The following DNAH17 variants were observed in gnomAD, a reference collection of about 807,000 sequenced individuals.
DNAH17 encodes dynein axonemal heavy chain 17.
Under a neutral mutation model 485.6 loss-of-function variants are expected in DNAH17, and 376 were observed. The ratio of observed to expected loss-of-function variants is 0.77; its 90% CI spans 0.71 to 0.84. The LOEUF (loss-of-function observed/expected upper bound fraction) is 0.84, where lower values mean the gene tolerates loss of function less well. Ranked by LOEUF, DNAH17 falls within the 40% of genes least tolerant of loss-of-function variation. DNAH17 has a pLI of 0.00. For missense variants in DNAH17, 6,370 were observed against 5,839.3 expected (o/e 1.09, Z -2.96); for synonymous variants, 3,031 against 2,405.9 (o/e 1.26, Z -7.60).
At chr17:78,501,660 G>T in intron 34 of DNAH17, 82 bp downstream of exon 34, 2 of 1,538,470 alleles carry the variant, frequency 1.3e-6, no homozygotes, top group Non-Finnish European at 8.8e-7. Flanking sequence ...GAAGTGGCAG[G>T]GTCTGAAGTC....
rs1720868995 is a variant in DNAH17, at chr17:78,571,650, G to C, written c.672C>G (p.Pro224=). The C allele has an allele frequency of 6.2e-7, 1 of 1,614,004 alleles. No individual in the cohort carries two copies. Among genetic ancestry groups the C allele is most frequent in the Non-Finnish European group, 8.5e-7 (1 of 1,179,880 alleles). Residue 224 remains proline, a synonymous_variant, in exon 4 of 81, where the codon CCC becomes CCG. Coordinates refer to ENST00000389840, the MANE Select transcript of DNAH17 (RefSeq NM_173628.4). ...TGTCCCAGAACTCGAACTCCACTTG[G>C]GGCAGGGGGTGCAGCCCATCCAGCA... The part of the protein sequence containing the change: ...QALLDGLHPL[P]QVEFEFWDTR...
At chr17:78,532,409 T>TAA (rs2091264353) in intron 20 of DNAH17, 73 bp downstream of exon 20, 1 of 1,505,172 alleles carries the variant, frequency 6.6e-7, no homozygotes, top group Admixed American at 2.3e-5. Context: ...ACCCAAGTTT[T>TAA]AAAGCAAGCC....
rs116390759 is a variant in DNAH17 at position 78,427,232 on chromosome 17, A to G, written c.12589-124T>C. The G allele has an allele frequency of 2.4e-3, 2,248 of 940,778 alleles. 25 individuals are homozygous for G. The African/African-American group carries it at 0.03, about 13-fold the overall frequency. 58.3% of individuals were successfully genotyped at this position (940,778 alleles called of 1,614,324 possible). On this transcript the variant is annotated intron_variant, in intron 77 of 80. Transcript: ENST00000389840. Reference sequence around the variant, plus strand: ...CCTGGAGAGGAGGGAAGAGGCAAGTAGAGTTGCCAGAAATGCAGGGTCATG... The same window carrying G: ...CCTGGAGAGGAGGGAAGAGGCAAGTGGAGTTGCCAGAAATGCAGGGTCATG...
At chr17:78,482,069 ACTTTTT>A (rs1217722315) in intron 48 of DNAH17, among the ~76,000 whole-genome samples, 2 of 114,734 alleles carry the variant, frequency 1.7e-5, no homozygotes, top group Non-Finnish European at 3.5e-5. Flanking sequence ...TACACTAGTT[ACTTTTT>A]TTTTTTTTTT....
Position 78,433,951 on chromosome 17 carries a change from AGGAG to A in DNAH17, c.12225+74_12225+77del, listed in dbSNP as rs1299546983. The stretch of plus-strand genomic sequence containing the variant: ...AAGGAGGGAGGGAAGGAGGGAGGGA[AGGAG>A]GGAGGGAAGGAGGGAGGGAAGGAGG... On this transcript the variant is annotated intron_variant, in intron 75 of 80. Coordinates refer to ENST00000389840, the MANE Select transcript of DNAH17 (RefSeq NM_173628.4). 9.9e-6 allele frequency: 10 copies of A among 1,009,342 alleles called. No homozygotes were observed. The African/African-American group carries it at 2.4e-4, about 24-fold the overall frequency. The allele number at this position is 1,009,342 out of a possible 1,614,324, so 62.5% of individuals were successfully genotyped here.
At chr17:78,475,914 T>C (rs907646492) in intron 52 of DNAH17, 81 bp from the exon 53 acceptor site, 2 of 1,495,502 alleles carry the variant, frequency 1.3e-6, no homozygotes, top group South Asian at 1.3e-5. Context: ...TTCAGTACTT[T>C]GCCAAGGTGG....
At chr17:78,480,999 G>A (rs1327447824) in intron 48 of DNAH17, among the ~76,000 whole-genome samples, 2 of 151,962 alleles carry the variant, frequency 1.3e-5, no homozygotes, top group African/African-American at 4.8e-5. Context: ...GTTTCGCCGT[G>A]TTAGCCAGGA....
At chr17:78,537,541 A>AGT in intron 18 of DNAH17, 60 bp from the exon 19 acceptor site, 8 of 1,558,466 alleles carry the variant, frequency 5.1e-6, no homozygotes, top group Non-Finnish European at 7.0e-6. Context: ...GATGATTCTC[A>AGT]GTGCCCTGAT....
Position 78,486,045 on chromosome 17 carries a change from T to C in DNAH17, c.7190A>G (p.Tyr2397Cys). The change falls in exon 46 of 81, where the codon TAC becomes TGC. Residue 2397 changes from tyrosine (Y) to cysteine (C), a missense_variant. Coordinates refer to ENST00000389840, the MANE Select transcript of DNAH17 (RefSeq NM_173628.4). Reference protein sequence around the residue: ...KFPSQGTIFDYYIDPDTKKFL... With the variant: ...KFPSQGTIFDCYIDPDTKKFL... ...CTTTTTTGTGTCAGGATCAATGTAG[T>C]AGTCAAAAATCGTTCCCTGCGAGGG... 1 of 1,613,942 alleles carries C rather than the reference T, an allele frequency of 6.2e-7. No homozygotes were observed. Among genetic ancestry groups the C allele is most frequent in the Non-Finnish European group, 8.5e-7 (1 of 1,179,870 alleles).
chr17:78,484,696 G>C, intron 48 of DNAH17, 172 bp downstream of exon 48: 1 of 403,936 alleles, frequency 2.5e-6, no homozygotes, highest in South Asian at 3.7e-5. Context: ...CCACAAACTT[G>C]GGGGCCCAGC....
chr17:78,457,307 G>A (rs2087851021), intron 62 of DNAH17, among the ~76,000 whole-genome samples: 1 of 152,058 alleles, frequency 6.6e-6, no homozygotes. Context: ...GGAGATGGAG[G>A]TTGCAGTGAG....
At chr17:78,538,895 G>A (rs889958806) in intron 18 of DNAH17, among the ~76,000 whole-genome samples, 6 of 152,236 alleles carry the variant, frequency 3.9e-5, no homozygotes, top group African/African-American at 9.6e-5. Context: ...CTTTGATCTT[G>A]GCCTCCTGGC....
intron 70 of DNAH17, among the ~76,000 whole-genome samples, chr17:78,445,241 G>T (rs1313567561): frequency 8.8e-6 from 1 of 113,028 alleles, no homozygotes; most frequent in Non-Finnish European, 1.8e-5. Flanking sequence ...AGGCTGGGGG[G>T]AGGAGGAGAG....
chr17:78,515,144 A>C, intron 25 of DNAH17, 122 bp from the exon 26 acceptor site: 2 of 1,124,786 alleles, frequency 1.8e-6, no homozygotes. Flanking sequence ...ATTTAGAACT[A>C]ATACCCGAGA....
chr17:78,561,619 C>G, intron 12 of DNAH17, 96 bp downstream of exon 12: 1 of 1,409,180 alleles, frequency 7.1e-7, no homozygotes, highest in African/African-American at 1.4e-5. Context: ...GTCTGGTCGA[C>G]AGGAGGGGTG....
rs566632535 is a variant in DNAH17 at position 78,572,617 on chromosome 17, G to C, written c.539+84C>G. On this transcript the variant is annotated intron_variant, in intron 3 of 80. Transcript: ENST00000389840. ...CTGCAGGGAAACAACGGGTCGGAGT[G>C]GGGTGGAGTGGGGTGGGGGGTGGGG... The C allele has an allele frequency of 5.4e-5, 68 of 1,254,132 alleles. No individual in the cohort carries two copies. The African/African-American group carries it at 8.6e-4, about 16-fold the overall frequency. The allele number at this position is 1,254,132 out of a possible 1,614,324, so 77.7% of individuals were successfully genotyped here.
rs771179410 is a variant in DNAH17 at position 78,543,923 on chromosome 17, A to T, written c.2466T>A (p.Ile822=). 6 of 1,614,016 alleles carry T rather than the reference A, an allele frequency of 3.7e-6. No individual in the cohort carries two copies. The highest frequency in any genetic ancestry group is 2.2e-5 in the East Asian group (1 of 44,888). ...CTGCGTAGCGCTTGTTGAGGTTGGC[A>T]ATTCTTCCATCCAAGTCTAACAGGG... ...KEALLDLDGR[I]ANLNKRYAAV... The change falls in exon 17 of 81, where the codon ATT becomes ATA. Residue 822 remains isoleucine (I), a synonymous_variant. Transcript: ENST00000389840.
At chr17:78,563,568 A>T (rs1320365344) in intron 11 of DNAH17, among the ~76,000 whole-genome samples, 1 of 152,100 alleles carries the variant, frequency 6.6e-6, no homozygotes, top group African/African-American at 2.4e-5. Flanking sequence ...GGCGGGAGGC[A>T]TTTTTATTTT....
At chr17:78,440,923 C>A in intron 72 of DNAH17, 128 bp downstream of exon 72, 2 of 1,135,140 alleles carry the variant, frequency 1.8e-6, no homozygotes, top group Admixed American at 4.6e-5. Flanking sequence ...CATTGCCATC[C>A]TACCGGCGTG....
Sources: gnomAD v4.1 joint callset for allele counts (sites outside exome capture counted in the v4.1 genomes callset) on GRCh38, gnomAD v4.1.1 for gene constraint, MANE v1.5 for transcripts, NCBI Gene and HGNC (gene_info 2026-07-23, HGNC 2026-07-21) for gene names.